Variants in PTPRD observed in about 807,000 individuals in gnomAD.
The protein encoded by PTPRD is receptor-type tyrosine-protein phosphatase delta.
A neutral mutation model predicts 214.5 loss-of-function variants in PTPRD; 34 were observed. The observed-to-expected ratio is 0.16, with a 90% CI of 0.12 to 0.21. PTPRD has a LOEUF of 0.21. Among genes scored for constraint, PTPRD ranks in the 10% least tolerant of loss-of-function variants. The pLI is 1.00. For missense variants in PTPRD, 2,545 were observed against 2,398.7 expected (o/e 1.06, Z -1.27); for synonymous variants, 1,128 against 845.7 (o/e 1.33, Z -5.79).
chr9:9,489,148 A>G (rs1478223395), intron 8 of PTPRD, among the ~76,000 whole-genome samples: 1 of 152,162 alleles, frequency 6.6e-6, no homozygotes, highest in East Asian at 1.9e-4. Context: ...AAACAGTAGG[A>G]AGTAACTGTA....
intron 8 of PTPRD, among the ~76,000 whole-genome samples, chr9:9,571,695 A>G (rs1052379375): frequency 6.6e-6 from 1 of 150,988 alleles, no homozygotes; most frequent in Non-Finnish European, 1.5e-5. Context: ...TGTTGCATGA[A>G]ACTTATAATG....
chr9:10,085,978 T>C (rs1461029305), intron 3 of PTPRD, among the ~76,000 whole-genome samples: 3 of 151,724 alleles, frequency 2.0e-5, no homozygotes, highest in Non-Finnish European at 4.4e-5. Flanking sequence ...ATCCTAGCAG[T>C]ATATTAAGCA....
At chr9:9,321,546 A>G (rs1966528668) in intron 9 of PTPRD, among the ~76,000 whole-genome samples, 1 of 112,758 alleles carries the variant, frequency 8.9e-6, no homozygotes, top group African/African-American at 3.5e-5. Context: ...CAAGAGCAAA[A>G]CTCCACTGAG....
At chr9:9,829,142 A>C (rs566801536) in intron 5 of PTPRD, among the ~76,000 whole-genome samples, 24 of 152,046 alleles carry the variant, frequency 1.6e-4, no homozygotes, top group Non-Finnish European at 3.2e-4. Flanking sequence ...ATACTAAAGA[A>C]TATTACGTAG....
chr9:9,471,214 T>C lies in PTPRD; in HGVS notation c.-236-73732A>G, dbSNP rs530397979. Among the ~76,000 whole-genome samples the C allele has an allele frequency of 1.3e-4, 20 of 152,352 alleles. No homozygotes were observed. The South Asian group carries it at 3.7e-3, about 28-fold the overall frequency. On this transcript the variant is annotated intron_variant, in intron 8 of 45. Coordinates refer to ENST00000381196, the MANE Select transcript of PTPRD (RefSeq NM_002839.4). Reference sequence around the variant, plus strand: ...CAATTTGACTACATTTGTGTGCATCTATATGTATCTATCTATAAATACCAA... The same window carrying C: ...CAATTTGACTACATTTGTGTGCATCCATATGTATCTATCTATAAATACCAA...
chr9:8,357,898 A>C (rs1022683471), intron 39 of PTPRD, among the ~76,000 whole-genome samples: 3 of 152,172 alleles, frequency 2.0e-5, no homozygotes, highest in African/African-American at 7.2e-5. Flanking sequence ...TTTGGTATCC[A>C]CAAAATCTGG....
At chr9:10,334,836 T>G (rs1177893928) in intron 3 of PTPRD, among the ~76,000 whole-genome samples, 1 of 151,612 alleles carries the variant, frequency 6.6e-6, no homozygotes, top group Non-Finnish European at 1.5e-5. Context: ...AATACAATAT[T>G]ATTTACATTA....
At chr9:9,582,620 G>A (rs530162188) in intron 7 of PTPRD, among the ~76,000 whole-genome samples, 5 of 152,102 alleles carry the variant, frequency 3.3e-5, no homozygotes, top group East Asian at 3.9e-4. Flanking sequence ...TTACTTTTGC[G>A]ATGATGAAAT....
At position 9,953,341 on chromosome 9, in the gene PTPRD, C is replaced by T. The variant is rs147821917; in HGVS notation, c.-471-14731G>A. 2.8e-3 allele frequency among the ~76,000 whole-genome samples: 423 copies of T among 152,212 alleles called. 1 individual carries two copies. The highest frequency in any genetic ancestry group is 4.6e-3 in the Non-Finnish European group (312 of 68,006). On this transcript the variant is annotated intron_variant, in intron 4 of 45. Transcript: ENST00000381196. Reference sequence around the variant, plus strand: ...CACCTGAGCAAAAGGGATAAAAAGACTACATACTGGGTACAGTGTACACCA... The same window carrying T: ...CACCTGAGCAAAAGGGATAAAAAGATTACATACTGGGTACAGTGTACACCA...
chr9:9,555,471 T>C (rs563537474), intron 8 of PTPRD, among the ~76,000 whole-genome samples: 4 of 152,064 alleles, frequency 2.6e-5, no homozygotes, highest in Non-Finnish European at 5.9e-5. Context: ...CGTATTATAG[T>C]TTCATCAACT....
rs79530119 is a variant in PTPRD, at chr9:8,821,320, T to C, written c.-103-87374A>G. Among the ~76,000 whole-genome samples, 19 of 152,284 alleles carry C rather than the reference T, an allele frequency of 1.2e-4. No individual in the cohort carries two copies. In the East Asian group the frequency reaches 2.7e-3, roughly 22 times the overall value. ...CTCTCTCTCTCACATGGTAAGCTCA[T>C]GGCTTCTTCAGAAGGCACTCACTCC... On this transcript the variant is annotated intron_variant, in intron 11 of 45. Transcript: ENST00000381196.
At position 8,726,591 on chromosome 9, in the gene PTPRD, ATATATATATATATATAT is replaced by A. The variant is rs2098569561; in HGVS notation, c.64+7172_64+7188del. ...TACTAAAAAAAAAAAAAAAAAAAAT[ATATATATATATATATAT>A]ATATATATATATATATATATATATA... On this transcript the variant is annotated intron_variant, in intron 12 of 45. Transcript: ENST00000381196. Among the ~76,000 whole-genome samples, 11 of 11,636 alleles carry A rather than the reference ATATATATATATATATAT, an allele frequency of 9.5e-4. 3 individuals are homozygous for A. The highest frequency in any genetic ancestry group is 2.9e-3 in the Admixed American group (2 of 688). 7.6% of individuals were successfully genotyped at this position (11,636 alleles called of 152,430 possible). A position where few individuals can be genotyped will look rare whatever the true frequency, so the allele number is the denominator to read the frequency against.
At chr9:10,145,468 TCTTA>T (rs1337099101) in intron 3 of PTPRD, among the ~76,000 whole-genome samples, 5 of 152,298 alleles carry the variant, frequency 3.3e-5, no homozygotes, top group African/African-American at 1.2e-4. Context: ...ACGTATTTTC[TCTTA>T]CTTATAGTTT....
In PTPRD at chr9:10,288,652, T is replaced by G. The variant is rs1020664174; in HGVS notation, c.-545+52311A>C. Among the ~76,000 whole-genome samples, 3 of 152,190 alleles carry G rather than the reference T, an allele frequency of 2.0e-5. No homozygotes were observed. In the East Asian group the frequency reaches 5.8e-4, roughly 29 times the overall value. On this transcript the variant is annotated intron_variant, in intron 3 of 45. Coordinates refer to ENST00000381196, the MANE Select transcript of PTPRD (RefSeq NM_002839.4). Reference sequence around the variant, plus strand: ...ACATGCAGTTCTTATCCTATCTAATTAAAGAATTAGAAGAAAAATGAAGCA... The same window carrying G: ...ACATGCAGTTCTTATCCTATCTAATGAAAGAATTAGAAGAAAAATGAAGCA...
At chr9:9,977,783 T>C (rs780205414) in intron 4 of PTPRD, among the ~76,000 whole-genome samples, 29 of 152,132 alleles carry the variant, frequency 1.9e-4, no homozygotes, top group Admixed American at 1.0e-3. Context: ...TAGGGTTTAT[T>C]TGATTGTGGT....
chr9:8,497,409 T>C, intron 25 of PTPRD, 141 bp from the exon 26 acceptor site: 1 of 582,128 alleles, frequency 1.7e-6, no homozygotes, highest in Non-Finnish European at 2.8e-6. Flanking sequence ...CCAAAGAATG[T>C]GTGATTTGCT....
chr9:9,160,084 A>G (rs146440623), intron 10 of PTPRD, among the ~76,000 whole-genome samples: 2 of 152,322 alleles, frequency 1.3e-5, no homozygotes, highest in African/African-American at 2.4e-5. Flanking sequence ...TGGAAGATCT[A>G]CAACTATAAA....
At chr9:10,176,889 A>G (rs1340331915) in intron 3 of PTPRD, among the ~76,000 whole-genome samples, 1 of 151,966 alleles carries the variant, frequency 6.6e-6, no homozygotes, top group Non-Finnish European at 1.5e-5. Flanking sequence ...AGTTTTTCTT[A>G]TTTATTCACT....
Position 10,085,451 on chromosome 9 carries a change from G to A in PTPRD, c.-544-51661C>T, listed in dbSNP as rs74477448. On this transcript the variant is annotated intron_variant, in intron 3 of 45. Coordinates refer to ENST00000381196, the MANE Select transcript of PTPRD (RefSeq NM_002839.4). ...ATCCTAAACCTGTGACAGAAAGATT[G>A]AGTTCTTCACTGAGAAACCTTGTTT... 5.9e-3 allele frequency among the ~76,000 whole-genome samples: 889 copies of A among 151,928 alleles called. 3 individuals carry two copies. The highest frequency in any genetic ancestry group is 0.027 in the Admixed American group (409 of 15,210).
Sources: gnomAD v4.1 joint callset for allele counts (sites outside exome capture counted in the v4.1 genomes callset) on GRCh38, gnomAD v4.1.1 for gene constraint, MANE v1.5 for transcripts, NCBI Gene and HGNC (gene_info 2026-07-23, HGNC 2026-07-21) for gene names.